CACNA1E: variants seen among roughly 807,000 people sequenced by gnomAD.
CACNA1E encodes voltage-dependent R-type calcium channel subunit alpha-1E.
CACNA1E carries 40 observed loss-of-function variants against 259.2 expected under a neutral mutation model. The ratio of observed to expected loss-of-function variants is 0.15; its 90% CI spans 0.12 to 0.20. The LOEUF (loss-of-function observed/expected upper bound fraction) is 0.20. Ranked by LOEUF, CACNA1E falls within the 10% of genes least tolerant of loss-of-function variation. The pLI is 1.00. For synonymous variants in CACNA1E, 1,104 were observed against 1,138.5 expected, an observed-to-expected ratio of 0.97 and a Z score of 0.61; for missense variants, 1,874 against 3,040.1, an observed-to-expected ratio of 0.62 and a Z score of 9.02.
chr1:181,704,003 G>C (rs1652542019), intron 7 of CACNA1E, among the ~76,000 whole-genome samples: 1 of 152,178 alleles, frequency 6.6e-6, no homozygotes, highest in African/African-American at 2.4e-5. Context: ...CCTTCTGAAA[G>C]CTCCAGATTC....
intron 3 of CACNA1E, among the ~76,000 whole-genome samples, chr1:181,517,367 G>T (rs1666666642): frequency 6.6e-6 from 1 of 152,112 alleles, no homozygotes; most frequent in South Asian, 2.1e-4. Context: ...GTCAGCAGGG[G>T]CCAGTCTAGG....
At chr1:181,396,696 C>T (rs76733547) in intron 1 of CACNA1E, among the ~76,000 whole-genome samples, 5,727 of 152,244 alleles carry the variant, frequency 0.038, 166 homozygotes, top group Middle Eastern at 0.11. Flanking sequence ...GAGCCTGGTC[C>T]TGAGTAGAAC....
chr1:181,697,670 A>G (rs959047077), intron 7 of CACNA1E, among the ~76,000 whole-genome samples: 8 of 152,276 alleles, frequency 5.3e-5, no homozygotes, highest in African/African-American at 1.9e-4. Context: ...AATGAAAAAT[A>G]TAAACAGATA....
chr1:181,712,862 C>T (rs1470733828), intron 8 of CACNA1E, among the ~76,000 whole-genome samples: 2 of 152,122 alleles, frequency 1.3e-5, no homozygotes, highest in East Asian at 3.9e-4. Context: ...CAGCCTTGGC[C>T]ACCCCACACA....
chr1:181,657,278 A>C (rs898674990), intron 7 of CACNA1E, among the ~76,000 whole-genome samples: 1 of 152,084 alleles, frequency 6.6e-6, no homozygotes, highest in African/African-American at 2.4e-5. Context: ...GAATATGAGG[A>C]GGGGAAAGGG....
chr1:181,414,959 G>T (rs925404544), intron 2 of CACNA1E, among the ~76,000 whole-genome samples: 1 of 152,272 alleles, frequency 6.6e-6, no homozygotes, highest in East Asian at 1.9e-4. Flanking sequence ...TGGAGACTTG[G>T]GTCTAATTCC....
chr1:181,540,951 A>G (rs561844452), intron 3 of CACNA1E, among the ~76,000 whole-genome samples: 3 of 152,332 alleles, frequency 2.0e-5, no homozygotes, highest in African/African-American at 7.2e-5. Context: ...GTGGTATTCA[A>G]ATGCTCATTG....
chr1:181,372,238 T>G (rs1160137829), intron 1 of CACNA1E, among the ~76,000 whole-genome samples: 3 of 152,166 alleles, frequency 2.0e-5, no homozygotes, highest in African/African-American at 7.2e-5. Flanking sequence ...GCATAAAATA[T>G]TTTTTCCATT....
chr1:181,539,094 T>A (rs186503882), intron 3 of CACNA1E, among the ~76,000 whole-genome samples: 1 of 152,326 alleles, frequency 6.6e-6, no homozygotes, highest in Admixed American at 6.5e-5. Context: ...CTCTTTTGCA[T>A]GCTGTAACAC....
intron 1 of CACNA1E, among the ~76,000 whole-genome samples, chr1:181,504,799 T>C (rs977456781): frequency 6.6e-6 from 1 of 152,208 alleles, no homozygotes; most frequent in Non-Finnish European, 1.5e-5. Flanking sequence ...GGAAGGAGCA[T>C]TGGGTAAAGG....
At position 181,805,191 on chromosome 1, in the gene CACNA1E, CT is replaced by C. The variant is rs1459979907; in HGVS notation, c.*6359del. The stretch of plus-strand genomic sequence containing the variant: ...ACCAGGCTGTGCCACTTCCTCTTCA[CT>C]TCACTCAGAGGATGGCCCCAAAACT... On this transcript the variant is annotated 3_prime_UTR_variant, in exon 48 of 48. Transcript: ENST00000367573. The C allele has an allele frequency of 1.3e-5, 2 of 152,182 alleles. No individual in the cohort carries two copies. Among genetic ancestry groups the C allele is most frequent in the Non-Finnish European group, 2.9e-5 (2 of 68,034 alleles). The allele number at this position is 152,182 out of a possible 1,614,324, so 9.4% of individuals were successfully genotyped here.
intron 1 of CACNA1E, among the ~76,000 whole-genome samples, chr1:181,355,785 TG>T (rs1424930795): frequency 6.6e-6 from 1 of 152,150 alleles, no homozygotes; most frequent in Non-Finnish European, 1.5e-5. Context: ...TGACAGTCAC[TG>T]GAGGACAGGG....
intron 18 of CACNA1E, 99 bp from the exon 19 acceptor site, chr1:181,731,076 G>A: frequency 2.3e-6 from 2 of 884,430 alleles, no homozygotes; most frequent in Non-Finnish European, 3.7e-6. Flanking sequence ...TGGCCACACA[G>A]AGGACTCCCT....
chr1:181,758,915 G>C lies in CACNA1E; in HGVS notation c.4605+47G>C. 1 of 1,066,794 alleles carries C rather than the reference G, an allele frequency of 9.4e-7. No homozygotes were observed. Among genetic ancestry groups the C allele is most frequent in the Non-Finnish European group, 1.4e-6 (1 of 694,118 alleles). 66.1% of individuals were successfully genotyped at this position (1,066,794 alleles called of 1,614,324 possible). A position where few individuals can be genotyped will look rare whatever the true frequency, so the allele number is the denominator to read the frequency against. ...AGCACTGGGCTTGTCTCTTTCTGTT[G>C]GGTGCCTTCCCAGTCTTTGTTGAAG... On this transcript the variant is annotated intron_variant, in intron 32 of 47. Coordinates refer to ENST00000367573, the MANE Select transcript of CACNA1E (RefSeq NM_001205293.3). The surrounding 1 kb of genome is among the most constrained non-coding windows in gnomAD (Gnocchi z 4.2).
chr1:181,738,290 G>T lies in CACNA1E; in HGVS notation c.3553-77G>T, dbSNP rs913870666. On this transcript the variant is annotated intron_variant, in intron 23 of 47. Coordinates refer to ENST00000367573, the MANE Select transcript of CACNA1E (RefSeq NM_001205293.3). ...AGGGTGGGCGTGCACGAGTGCATGT[G>T]TCCTGGCAGGTGGGAGCTCATGTAG... 2.3e-5 allele frequency: 27 copies of T among 1,172,546 alleles called. 1 individual carries two copies. The highest frequency in any genetic ancestry group is 3.3e-5 in the Non-Finnish European group (26 of 777,362). The allele number at this position is 1,172,546 out of a possible 1,614,324, so 72.6% of individuals were successfully genotyped here.
At chr1:181,739,341 A>T in intron 25 of CACNA1E, 88 bp downstream of exon 25, 1 of 879,074 alleles carries the variant, frequency 1.1e-6, no homozygotes. Context: ...GAAATGCAAC[A>T]TGCAGGGTGA....
chr1:181,718,767 G>A (rs554738431), intron 12 of CACNA1E, among the ~76,000 whole-genome samples: 4 of 151,978 alleles, frequency 2.6e-5, no homozygotes, highest in Admixed American at 6.6e-5. Flanking sequence ...ACACTTCAAG[G>A]TGCTTTCACG....
At chr1:181,489,099 A>T (rs1355577183) in intron 1 of CACNA1E, among the ~76,000 whole-genome samples, 4 of 152,192 alleles carry the variant, frequency 2.6e-5, no homozygotes, top group African/African-American at 9.7e-5. Context: ...GGAAAGCTAC[A>T]GCTCACCAAA....
At chr1:181,410,172 C>A (rs187758164) in intron 1 of CACNA1E, among the ~76,000 whole-genome samples, 9 of 152,160 alleles carry the variant, frequency 5.9e-5, no homozygotes, top group Admixed American at 5.9e-4. Flanking sequence ...ATTTAAACAT[C>A]GTAGGAATGA....
Sources: gnomAD v4.1 joint callset for allele counts (sites outside exome capture counted in the v4.1 genomes callset) on GRCh38, gnomAD v4.1.1 for gene constraint, Gnocchi (gnomAD v3.1) non-coding constraint, MANE v1.5 for transcripts, NCBI Gene and HGNC (gene_info 2026-07-23, HGNC 2026-07-21) for gene names.